The following FUT9 variants were observed in gnomAD, a reference collection of about 807,000 sequenced individuals.
FUT9 encodes 4-galactosyl-N-acetylglucosaminide 3-alpha-L-fucosyltransferase 9.
Under a neutral mutation model 29.7 loss-of-function variants are expected in FUT9, and 15 were observed. The observed-to-expected ratio is 0.51, with a 90% CI of 0.34 to 0.78. The LOEUF (loss-of-function observed/expected upper bound fraction) is 0.78. Among genes scored for constraint, FUT9 ranks in the 30% least tolerant of loss-of-function variants. The pLI is 0.01. For synonymous variants in FUT9, 169 were observed against 153.7 expected (o/e 1.10, Z -0.74); for missense variants, 319 against 425.4 (o/e 0.75, Z 2.20).
intron 1 of FUT9, among the ~76,000 whole-genome samples, chr6:96,029,047 C>T (rs368110144): frequency 9.9e-5 from 15 of 151,458 alleles, no homozygotes; most frequent in Admixed American, 5.9e-4. Context: ...GTTGTAAAAC[C>T]GAGTTCACCA....
At chr6:96,092,405 T>C (rs1445790218) in intron 1 of FUT9, among the ~76,000 whole-genome samples, 3 of 152,148 alleles carry the variant, frequency 2.0e-5, no homozygotes, top group Non-Finnish European at 4.4e-5. Context: ...TAAAAAAGAA[T>C]GTTGAGAGTA....
intron 1 of FUT9, among the ~76,000 whole-genome samples, chr6:96,111,957 T>C (rs1771816805): frequency 6.6e-6 from 1 of 152,192 alleles, no homozygotes; most frequent in Non-Finnish European, 1.5e-5. Flanking sequence ...GTTTTACTCA[T>C]TTAACAATCC....
At chr6:96,139,568 G>T (rs1772422809) in intron 2 of FUT9, among the ~76,000 whole-genome samples, 1 of 152,136 alleles carries the variant, frequency 6.6e-6, no homozygotes, top group Non-Finnish European at 1.5e-5. Context: ...CCTAGCAGAG[G>T]CTCTCCATGA....
intron 2 of FUT9, among the ~76,000 whole-genome samples, chr6:96,124,726 C>G (rs998156744): frequency 1.3e-5 from 2 of 152,080 alleles, no homozygotes; most frequent in African/African-American, 2.4e-5. Flanking sequence ...AAATGACATT[C>G]AGTTTCTGAA....
chr6:96,171,222 A>T (rs1387123679), intron 2 of FUT9, among the ~76,000 whole-genome samples: 2 of 152,232 alleles, frequency 1.3e-5, no homozygotes, highest in Admixed American at 6.5e-5. Context: ...AGGATGAAAG[A>T]TGAAAGCATT....
At chr6:96,018,799 G>A (rs1448040603) in intron 1 of FUT9, among the ~76,000 whole-genome samples, 10 of 151,938 alleles carry the variant, frequency 6.6e-5, no homozygotes. Context: ...GAATGGTTAA[G>A]GAAGAGAAAG....
chr6:96,127,297 T>A (rs1423732272), intron 2 of FUT9, among the ~76,000 whole-genome samples: 5 of 152,196 alleles, frequency 3.3e-5, no homozygotes, highest in Admixed American at 6.5e-5. Context: ...TGATACTTAG[T>A]TTCTTGTTTT....
At chr6:96,070,544 G>C (rs928166800) in intron 1 of FUT9, among the ~76,000 whole-genome samples, 13 of 152,018 alleles carry the variant, frequency 8.6e-5, no homozygotes, top group Non-Finnish European at 1.6e-4. Flanking sequence ...AAAGTTAGCT[G>C]GGCATGGTGT....
intron 1 of FUT9, among the ~76,000 whole-genome samples, chr6:96,078,080 A>G (rs550569296): frequency 3.9e-4 from 60 of 152,174 alleles, no homozygotes; most frequent in African/African-American, 1.3e-3. Flanking sequence ...TCTGTGTTCT[A>G]TTTCCGGGAT....
At chr6:96,051,911 GACTGCTGGTTTTCC>G (rs985353894) in intron 1 of FUT9, among the ~76,000 whole-genome samples, 12 of 152,086 alleles carry the variant, frequency 7.9e-5, no homozygotes, top group Non-Finnish European at 1.5e-4. Flanking sequence ...TCTGAAAAAG[GACTGCTGGTTTTCC>G]ACAATCTTTG....
intron 1 of FUT9, among the ~76,000 whole-genome samples, chr6:96,110,300 A>G (rs1771775089): frequency 6.6e-6 from 1 of 152,108 alleles, no homozygotes; most frequent in Non-Finnish European, 1.5e-5. Flanking sequence ...TTTTTGGCTG[A>G]GCCATTTTGC....
chr6:96,101,169 G>A (rs532071990), intron 1 of FUT9, among the ~76,000 whole-genome samples: 1 of 152,262 alleles, frequency 6.6e-6, no homozygotes, highest in East Asian at 1.9e-4. Flanking sequence ...ATATATATGT[G>A]TGGGCATGTT....
At chr6:96,109,567 G>A (rs1771758910) in intron 1 of FUT9, among the ~76,000 whole-genome samples, 1 of 152,118 alleles carries the variant, frequency 6.6e-6, no homozygotes, top group Non-Finnish European at 1.5e-5. Context: ...TTGTGTTTGT[G>A]AAATGACCAT....
chr6:96,148,628 C>T (rs967594905), intron 2 of FUT9, among the ~76,000 whole-genome samples: 2 of 152,206 alleles, frequency 1.3e-5, no homozygotes, highest in Middle Eastern at 3.4e-3. Context: ...CAAGTTGTAA[C>T]AATTTTGTAC....
At chr6:96,119,404 A>G (rs1016798905) in intron 2 of FUT9, among the ~76,000 whole-genome samples, 1 of 152,210 alleles carries the variant, frequency 6.6e-6, no homozygotes, top group Non-Finnish European at 1.5e-5. Context: ...AGCAGGCAAT[A>G]CCATCTAGGT....
intron 1 of FUT9, among the ~76,000 whole-genome samples, chr6:96,089,723 C>T (rs796133532): frequency 2.6e-5 from 4 of 152,198 alleles, no homozygotes; most frequent in African/African-American, 9.6e-5. Flanking sequence ...AAATACTGCC[C>T]TACCAACACA....
intron 2 of FUT9, among the ~76,000 whole-genome samples, chr6:96,187,216 A>G (rs1430433856): frequency 6.6e-6 from 1 of 152,102 alleles, no homozygotes; most frequent in African/African-American, 2.4e-5. Flanking sequence ...CAGATAGAGG[A>G]CCAGAAATTA....
chr6:96,101,594 T>C (rs1359928701), intron 1 of FUT9, among the ~76,000 whole-genome samples: 1 of 151,988 alleles, frequency 6.6e-6, no homozygotes, highest in Admixed American at 6.5e-5. Flanking sequence ...TCATGTTCAA[T>C]TATTTCATTA....
At chr6:96,082,230 AC>A (rs528613814) in intron 1 of FUT9, among the ~76,000 whole-genome samples, 48 of 151,814 alleles carry the variant, frequency 3.2e-4, no homozygotes, top group Non-Finnish European at 5.0e-4. Context: ...AAATTTTTCA[AC>A]CCTTGAAGTG....
Sources: allele counts gnomAD v4.1 joint callset (sites outside exome capture counted in the v4.1 genomes callset), GRCh38; gene constraint gnomAD v4.1.1; transcripts MANE v1.5; gene names NCBI Gene and HGNC (gene_info 2026-07-23, HGNC 2026-07-21).